The following RAB20 variants were observed in gnomAD, a reference collection of about 807,000 sequenced individuals.
RAB20 encodes the protein RAB20, member RAS oncogene family.
RAB20 carries 2 observed loss-of-function variants against 3.7 expected under a neutral mutation model. That is an observed-to-expected ratio of 0.54 (90% CI 0.22 to 1.69). The LOEUF is 1.69. Among genes scored for constraint, RAB20 ranks in the 40% most tolerant of loss-of-function variants. The pLI, the probability that RAB20 is intolerant of heterozygous loss-of-function variation, is 0.19. For synonymous variants in RAB20, 126 were observed against 130.8 expected (o/e 0.96, Z 0.25); for missense variants, 276 against 311.9 (o/e 0.88, Z 0.87).
chr13:110,561,127 C>A (rs1885121039), intron 1 of RAB20, among the ~76,000 whole-genome samples: 1 of 152,174 alleles, frequency 6.6e-6, no homozygotes, highest in African/African-American at 2.4e-5. Flanking sequence ...AAATGACCAG[C>A]GGGTTCTCTG....
intron 1 of RAB20, among the ~76,000 whole-genome samples, chr13:110,531,117 A>G (rs1455632302): frequency 4.5e-4 from 68 of 152,248 alleles, no homozygotes; most frequent in Admixed American, 4.4e-3. Context: ...TCCCTTTCCC[A>G]TGTTTTACAG....
In RAB20 at chr13:110,558,730, C is replaced by T. The variant is rs540370508; in HGVS notation, c.172+2618G>A. Among the ~76,000 whole-genome samples, 81 of 120,752 alleles carry T rather than the reference C, an allele frequency of 6.7e-4. 1 individual carries two copies. Among genetic ancestry groups the T allele is most frequent in the Non-Finnish European group, 9.6e-4 (58 of 60,500 alleles). 79.2% of individuals were successfully genotyped at this position (120,752 alleles called of 152,430 possible). On this transcript the variant is annotated intron_variant, in intron 1 of 1. Transcript: ENST00000267328. The stretch of plus-strand genomic sequence containing the variant: ...TTTTTTTTTTTTTGAGACAGAGTCT[C>T]GCTCTGTCACCGGGTTGGAGTGCAG...
intron 1 of RAB20, among the ~76,000 whole-genome samples, chr13:110,540,952 C>T (rs1016598072): frequency 6.6e-6 from 1 of 152,084 alleles, no homozygotes; most frequent in African/African-American, 2.4e-5. Context: ...GCGCAGCTGC[C>T]CATGCCCCTG....
intron 1 of RAB20, among the ~76,000 whole-genome samples, chr13:110,543,780 T>A (rs537137418): frequency 4.6e-4 from 61 of 133,140 alleles, no homozygotes; most frequent in African/African-American, 8.1e-4. Flanking sequence ...GGTTATTTTT[T>A]TTTTTTTTTT....
At chr13:110,538,597 C>CAAAAAAAAAAAAAAAAAAA (rs67409356) in intron 1 of RAB20, among the ~76,000 whole-genome samples, 1 of 70,718 alleles carries the variant, frequency 1.4e-5, no homozygotes, top group African/African-American at 6.1e-5. Flanking sequence ...GATCTTCTCT[C>CAAAAAAAAAAAAAAAAAAA]AAAAAAAAAA....
chr13:110,556,921 C>T (rs1034588900), intron 1 of RAB20, among the ~76,000 whole-genome samples: 8 of 152,152 alleles, frequency 5.3e-5, no homozygotes, highest in African/African-American at 1.2e-4. Flanking sequence ...GAGGCTGTCA[C>T]GAATATGGAA....
intron 1 of RAB20, among the ~76,000 whole-genome samples, chr13:110,532,530 C>T (rs1176882477): frequency 6.6e-6 from 1 of 152,128 alleles, no homozygotes; most frequent in African/African-American, 2.4e-5. Context: ...GCACACACCA[C>T]CAAGCCCAGC....
At chr13:110,529,285 C>G (rs570942026) in intron 1 of RAB20, among the ~76,000 whole-genome samples, 5 of 152,326 alleles carry the variant, frequency 3.3e-5, no homozygotes, top group South Asian at 2.1e-4. Flanking sequence ...GCCGTCAGCC[C>G]CCTGCTGCCA....
chr13:110,546,646 C>T (rs560715133), intron 1 of RAB20, among the ~76,000 whole-genome samples: 1 of 152,038 alleles, frequency 6.6e-6, no homozygotes, highest in East Asian at 1.9e-4. Flanking sequence ...GACACCCAGG[C>T]TCACAAATCT....
chr13:110,561,230 G>C (rs1885123326), intron 1 of RAB20, 118 bp downstream of exon 1: 3 of 1,272,216 alleles, frequency 2.4e-6, no homozygotes, highest in Non-Finnish European at 2.1e-6. Flanking sequence ...CCGAGAAGGA[G>C]GCATTTGCTG....
chr13:110,559,574 T>G (rs531694962), intron 1 of RAB20, among the ~76,000 whole-genome samples: 6 of 152,220 alleles, frequency 3.9e-5, no homozygotes, highest in Admixed American at 1.3e-4. Flanking sequence ...AAGTCAGGAA[T>G]GTGGAGAAGG....
At position 110,555,395 on chromosome 13, in the gene RAB20, G is replaced by A. The variant is rs986170659; in HGVS notation, c.172+5953C>T. 6.6e-6 allele frequency among the ~76,000 whole-genome samples: 1 copy of A among 152,122 alleles called. No individual in the cohort carries two copies. The highest frequency in any genetic ancestry group is 6.5e-5 in the Admixed American group (1 of 15,278). ...CACCACAGAGTCCCCCATTTTCTCA[G>A]TCCTGCCTTTTGTCACACAGATTCC... On this transcript the variant is annotated intron_variant, in intron 1 of 1. Transcript: ENST00000267328. The surrounding 1 kb of genome is among the most constrained non-coding windows in gnomAD (Gnocchi z 4.0).
At chr13:110,531,215 C>T (rs1336226553) in intron 1 of RAB20, among the ~76,000 whole-genome samples, 4 of 152,156 alleles carry the variant, frequency 2.6e-5, no homozygotes, top group Admixed American at 6.5e-5. Context: ...GCAACAGGCA[C>T]CCCAGGGAGT....
chr13:110,523,166 C>T lies in RAB20; in HGVS notation c.*499G>A, dbSNP rs1208769128. On this transcript the variant is annotated 3_prime_UTR_variant, in exon 2 of 2. Transcript: ENST00000267328. ...CCTGATTTTGTATAAATGAACACGTCGAGAGTCAGGATTATAAAGCATCAA... is the reference window on the plus strand; with the variant it reads ...CCTGATTTTGTATAAATGAACACGTTGAGAGTCAGGATTATAAAGCATCAA... 7 of 400,504 alleles carry T rather than the reference C, an allele frequency of 1.7e-5. No individual in the cohort carries two copies. The highest frequency in any genetic ancestry group is 3.6e-5 in the East Asian group (1 of 28,168). The allele number at this position is 400,504 out of a possible 1,614,324, so 24.8% of individuals were successfully genotyped here.
At chr13:110,530,957 G>C (rs12860097) in intron 1 of RAB20, among the ~76,000 whole-genome samples, 1 of 152,248 alleles carries the variant, frequency 6.6e-6, no homozygotes, top group Non-Finnish European at 1.5e-5. Flanking sequence ...ATGGAAGCCA[G>C]AACAGGACTT....
intron 1 of RAB20, among the ~76,000 whole-genome samples, chr13:110,542,078 TTTA>T (rs1014967734): frequency 7.2e-5 from 11 of 152,132 alleles, no homozygotes; most frequent in African/African-American, 1.7e-4. Context: ...TTGTTTTAAT[TTTA>T]TTATTATTAT....
At chr13:110,535,869 A>G (rs1884630899) in intron 1 of RAB20, among the ~76,000 whole-genome samples, 1 of 152,270 alleles carries the variant, frequency 6.6e-6, no homozygotes, top group Admixed American at 6.5e-5. Flanking sequence ...GGCAGGAAAC[A>G]GCACTTTCTG....
chr13:110,526,753 C>T (rs1272223565), intron 1 of RAB20, among the ~76,000 whole-genome samples: 1 of 152,202 alleles, frequency 6.6e-6, no homozygotes, highest in African/African-American at 2.4e-5. Flanking sequence ...TGCTTCCATC[C>T]GCATGCCAGA....
intron 1 of RAB20, among the ~76,000 whole-genome samples, chr13:110,558,749 A>C (rs1260005583): frequency 8.7e-6 from 1 of 115,522 alleles, no homozygotes; most frequent in East Asian, 2.8e-4. Context: ...ACCGGGTTGG[A>C]GTGCAGTGGC....
Sources: allele counts gnomAD v4.1 joint callset (sites outside exome capture counted in the v4.1 genomes callset), GRCh38; gene constraint gnomAD v4.1.1; non-coding constraint Gnocchi (gnomAD v3.1); transcripts MANE v1.5; gene names NCBI Gene and HGNC (gene_info 2026-07-23, HGNC 2026-07-21).